CEP83: variants seen among roughly 807,000 people sequenced by gnomAD.
CEP83 encodes the protein centrosomal protein 83.
Under a neutral mutation model 101.9 loss-of-function variants are expected in CEP83, and 70 were observed. The observed-to-expected ratio is 0.69, with a 90% CI of 0.57 to 0.84. The LOEUF (loss-of-function observed/expected upper bound fraction) is 0.84, where lower values mean the gene tolerates loss of function less well. Among genes scored for constraint, CEP83 ranks in the 40% least tolerant of loss-of-function variants. The pLI, the probability that CEP83 is intolerant of heterozygous loss-of-function variation, is 0.00. For synonymous variants in CEP83, 264 were observed against 267.9 expected (o/e 0.99, Z 0.14); for missense variants, 715 against 787.2 (o/e 0.91, Z 1.10).
chr12:94,436,023 G>C (rs114947330), intron 1 of CEP83, among the ~76,000 whole-genome samples: 1 of 152,084 alleles, frequency 6.6e-6, no homozygotes, highest in African/African-American at 2.4e-5. Context: ...CCCATCCCTA[G>C]GGGAAGGGGG....
At chr12:94,438,206 G>T (rs932116112) in intron 1 of CEP83, among the ~76,000 whole-genome samples, 2 of 150,996 alleles carry the variant, frequency 1.3e-5, no homozygotes, top group African/African-American at 4.9e-5. Context: ...GTGACTGAGT[G>T]AGACTGTCCC....
intron 2 of CEP83, chr12:94,424,044 G>A: frequency 6.2e-7 from 1 of 1,611,952 alleles, no homozygotes; most frequent in Non-Finnish European, 8.5e-7. Context: ...TATGAATGGT[G>A]GTGCATCCAG....
chr12:94,405,576 TTTCAGCC>T (rs2063488189), intron 4 of CEP83, among the ~76,000 whole-genome samples: 1 of 152,210 alleles, frequency 6.6e-6, no homozygotes, highest in Non-Finnish European at 1.5e-5. Flanking sequence ...AGCCTTCCAC[TTTCAGCC>T]AAGATAGAAT....
At chr12:94,417,781 C>T (rs1260290268) in intron 2 of CEP83, among the ~76,000 whole-genome samples, 1 of 151,516 alleles carries the variant, frequency 6.6e-6, no homozygotes. Flanking sequence ...GAGGAAGACT[C>T]CATCTCAAAA....
intron 11 of CEP83, among the ~76,000 whole-genome samples, chr12:94,345,947 G>A (rs996947429): frequency 1.3e-4 from 20 of 152,164 alleles, no homozygotes. Flanking sequence ...TTACATGAAG[G>A]TAAACAAGAA....
the CEP83 span, among the ~76,000 whole-genome samples, chr12:94,289,843 T>TA: frequency 6.6e-6 from 1 of 152,130 alleles, no homozygotes; most frequent in Non-Finnish European, 1.5e-5. Context: ...CACTCACACA[T>TA]ACGCGCTCAC....
chr12:94,332,322 A>G (rs1336659757), intron 13 of CEP83, among the ~76,000 whole-genome samples: 1 of 152,228 alleles, frequency 6.6e-6, no homozygotes, highest in Admixed American at 6.5e-5. Context: ...TTAAAATAAC[A>G]TCATAACAAC....
downstream of CEP83, chr12:94,307,041 G>C (rs1969102423): frequency 6.6e-6 from 1 of 152,182 alleles, no homozygotes; most frequent in Non-Finnish European, 1.5e-5. Context: ...TTGCCCAAAA[G>C]ACTTCCCCTA....
At chr12:94,339,774 G>T (rs1251385564) in intron 11 of CEP83, among the ~76,000 whole-genome samples, 16 of 152,144 alleles carry the variant, frequency 1.1e-4, no homozygotes, top group Non-Finnish European at 2.1e-4. Context: ...AATTGACACT[G>T]GCCATTATTA....
At chr12:94,432,609 G>T (rs148243344) in intron 2 of CEP83, among the ~76,000 whole-genome samples, 97 of 152,196 alleles carry the variant, frequency 6.4e-4, no homozygotes, top group African/African-American at 2.3e-3. Flanking sequence ...GGGGAAGGTG[G>T]GATAAAGGGA....
chr12:94,316,773 T>C (rs1970767976), intron 14 of CEP83, among the ~76,000 whole-genome samples: 1 of 152,212 alleles, frequency 6.6e-6, no homozygotes, highest in African/African-American at 2.4e-5. Context: ...TTTTTATGGC[T>C]ATATAGTATT....
chr12:94,437,243 G>A (rs1019404738), intron 1 of CEP83, among the ~76,000 whole-genome samples: 1 of 151,930 alleles, frequency 6.6e-6, no homozygotes, highest in Non-Finnish European at 1.5e-5. Context: ...CTACTAGGAG[G>A]CTGAGGCAGG....
the CEP83 span, chr12:94,282,336 A>G: frequency 1.9e-6 from 3 of 1,613,998 alleles, no homozygotes; most frequent in Middle Eastern, 1.6e-4. Flanking sequence ...ACTTCTGGAC[A>G]TCGACAGTTC....
At chr12:94,451,971 C>T (rs1431372661) in intron 1 of CEP83, among the ~76,000 whole-genome samples, 1 of 152,180 alleles carries the variant, frequency 6.6e-6, no homozygotes, top group African/African-American at 2.4e-5. Flanking sequence ...TTCACCAATA[C>T]TATTCAACTG....
intron 2 of CEP83, among the ~76,000 whole-genome samples, chr12:94,423,436 C>T (rs2064924426): frequency 6.7e-6 from 1 of 149,396 alleles, no homozygotes; most frequent in Non-Finnish European, 1.5e-5. Flanking sequence ...CTTGTAGCTG[C>T]ACCAGACCAA....
downstream of CEP83, chr12:94,303,827 C>G (rs748034092): frequency 1.3e-6 from 2 of 1,513,454 alleles, no homozygotes; most frequent in Non-Finnish European, 1.8e-6. Context: ...AATCTTATTA[C>G]AAAGCAATCA....
At chr12:94,393,918 G>T in intron 6 of CEP83, among the ~76,000 whole-genome samples, 1 of 152,208 alleles carries the variant, frequency 6.6e-6, no homozygotes. Flanking sequence ...AACTTACAAG[G>T]GATGTGAAGG....
In CEP83 at chr12:94,369,936, T is replaced by C; in HGVS notation, c.1034A>G (p.Gln345Arg). The C allele has an allele frequency of 6.3e-7, 1 of 1,577,094 alleles. No homozygotes were observed. The highest frequency in any genetic ancestry group is 1.1e-5 in the South Asian group (1 of 89,524). The change falls in exon 9 of 17, where the codon CAA (glutamine) becomes CGA (arginine). Residue 345 changes from glutamine to arginine, a missense_variant. Physicochemically the swap from Gln to Arg is conservative, Grantham distance 43. Coordinates refer to ENST00000397809, the MANE Select transcript of CEP83 (RefSeq NM_016122.3). ...SELERERNKI[Q>R]SELDGLQSDN... ...TCACATATTACCATCCAGTTCACTT[T>C]GAATCTTATTCCTTTCTCTTTCTAG...
At chr12:94,314,119 T>G (rs988494823) in intron 14 of CEP83, among the ~76,000 whole-genome samples, 12 of 152,216 alleles carry the variant, frequency 7.9e-5, no homozygotes, top group Admixed American at 5.2e-4. Context: ...AGTATTTTTT[T>G]TCAGTTTTTA....
Sources: gnomAD v4.1 joint callset for allele counts (sites outside exome capture counted in the v4.1 genomes callset) on GRCh38, gnomAD v4.1.1 for gene constraint, MANE v1.5 for transcripts, NCBI Gene and HGNC (gene_info 2026-07-23, HGNC 2026-07-21) for gene names.